The following CHLSN variants were observed in gnomAD, a reference collection of about 807,000 sequenced individuals.
CHLSN encodes the protein protein cholesin.
chr7:988,567 G>C, the CHLSN span: 1 of 1,598,174 alleles, frequency 6.3e-7, no homozygotes, highest in Non-Finnish European at 8.5e-7. Flanking sequence ...CCCCTGGGGA[G>C]GTCCCCACCC....
the CHLSN span, chr7:1,138,110 CGCGGGAGCCCGCCCCGGGGCTCT>C: frequency 6.6e-6 from 1 of 150,746 alleles, no homozygotes; most frequent in African/African-American, 2.4e-5. Flanking sequence ...GGCGGAGCCC[CGCGGGAGCCCGCCCCGGGGCTCT>C]GGGTCTCCTG....
At chr7:1,069,285 T>A in the CHLSN span, among the ~76,000 whole-genome samples, 1 of 151,766 alleles carries the variant, frequency 6.6e-6, no homozygotes, top group Non-Finnish European at 1.5e-5. Context: ...GAGCCAAGAT[T>A]GCGCCACTGC....
At chr7:997,709 C>G in the CHLSN span, 1 of 1,611,404 alleles carries the variant, frequency 6.2e-7, no homozygotes, top group East Asian at 2.2e-5. Flanking sequence ...CCAGCTCCCG[C>G]ATCAGGGCTT....
chr7:1,135,691 C>T, the CHLSN span, among the ~76,000 whole-genome samples: 4 of 149,976 alleles, frequency 2.7e-5, no homozygotes, highest in Non-Finnish European at 5.9e-5. Flanking sequence ...CGTTTGAATA[C>T]GAGGTGGAGG....
At chr7:1,018,204 T>C in the CHLSN span, among the ~76,000 whole-genome samples, 1 of 152,190 alleles carries the variant, frequency 6.6e-6, no homozygotes, top group Non-Finnish European at 1.5e-5. Context: ...ACACTAGGGC[T>C]TGGCGGGTGG....
the CHLSN span, among the ~76,000 whole-genome samples, chr7:1,107,089 G>T: frequency 6.6e-6 from 1 of 152,218 alleles, no homozygotes; most frequent in African/African-American, 2.4e-5. Context: ...AAGGAAGGAA[G>T]CTCAAATGCT....
chr7:1,108,199 G>A, the CHLSN span, among the ~76,000 whole-genome samples: 207 of 28,066 alleles, frequency 7.4e-3, 2 homozygotes, highest in South Asian at 9.3e-3. Flanking sequence ...GAAGCAGAGG[G>A]GGGCTGTGTC....
chr7:1,070,264 G>A, the CHLSN span, among the ~76,000 whole-genome samples: 2 of 144,706 alleles, frequency 1.4e-5, no homozygotes, highest in African/African-American at 5.1e-5. Context: ...GGTGGGGGGG[G>A]TCAGCCCCCC....
the CHLSN span, among the ~76,000 whole-genome samples, chr7:995,787 G>A: frequency 1.3e-5 from 2 of 152,250 alleles, no homozygotes; most frequent in African/African-American, 2.4e-5. Context: ...CTCCTCGCCT[G>A]CCGCCGGCAA....
At chr7:1,124,696 TA>T in the CHLSN span, among the ~76,000 whole-genome samples, 1 of 138,918 alleles carries the variant, frequency 7.2e-6, no homozygotes, top group Admixed American at 7.2e-5. Flanking sequence ...ACATGTACCC[TA>T]AAACTTAAAG....
At chr7:986,484 C>G in the CHLSN span, 2 of 948,026 alleles carry the variant, frequency 2.1e-6, no homozygotes, top group Non-Finnish European at 3.2e-6. Flanking sequence ...GGCTAAGGGT[C>G]CCCCCGTTCT....
At chr7:985,435 C>T in the CHLSN span, 4 of 1,236,358 alleles carry the variant, frequency 3.2e-6, no homozygotes, top group Non-Finnish European at 4.4e-6. Context: ...GCCCTCCCAC[C>T]TTGCAAAAGG....
the CHLSN span, chr7:1,057,772 GCCC>G: frequency 9.5e-5 from 74 of 775,596 alleles, no homozygotes; most frequent in Non-Finnish European, 1.1e-4. Flanking sequence ...CACCTGCTCG[GCCC>G]CCCGAGCTCC....
the CHLSN span, among the ~76,000 whole-genome samples, chr7:1,006,032 C>T: frequency 1.3e-5 from 2 of 152,240 alleles, no homozygotes; most frequent in Non-Finnish European, 2.9e-5. Flanking sequence ...TCTTCAATTT[C>T]CTGCGTTAAG....
At chr7:984,928 C>A in the CHLSN span, 17 of 1,573,684 alleles carry the variant, frequency 1.1e-5, no homozygotes, top group Admixed American at 1.9e-4. Flanking sequence ...CTGGGCTCAC[C>A]ACGCACTGTA....
At chr7:1,023,462 G>A in the CHLSN span, among the ~76,000 whole-genome samples, 5 of 151,992 alleles carry the variant, frequency 3.3e-5, no homozygotes, top group East Asian at 5.8e-4. The surrounding 1 kb of genome is among the most constrained non-coding windows in gnomAD (Gnocchi z 5.0). Flanking sequence ...CAGCACACCC[G>A]AGGCCTCCTG....
chr7:1,072,098 T>C, the CHLSN span, among the ~76,000 whole-genome samples: 3 of 152,166 alleles, frequency 2.0e-5, no homozygotes, highest in South Asian at 2.1e-4. Context: ...CACCTTAGAC[T>C]CTGGCCTAAG....
At chr7:1,121,416 C>A in the CHLSN span, among the ~76,000 whole-genome samples, 36 of 152,352 alleles carry the variant, frequency 2.4e-4, no homozygotes, top group African/African-American at 8.4e-4. Context: ...AGTAATGCTT[C>A]TTGGGGCAAA....
the CHLSN span, among the ~76,000 whole-genome samples, chr7:1,016,236 GCAGCACACAGCAGCGCACGC>G: frequency 4.8e-4 from 30 of 62,078 alleles, 3 homozygotes; most frequent in East Asian, 1.5e-3. Flanking sequence ...CCAGCACACA[GCAGCACACAGCAGCGCACGC>G]CAGCACACAG....
Sources: gnomAD v4.1 joint callset for allele counts (sites outside exome capture counted in the v4.1 genomes callset) on GRCh38, gnomAD v4.1.1 for gene constraint, Gnocchi (gnomAD v3.1) non-coding constraint, MANE v1.5 for transcripts, NCBI Gene and HGNC (gene_info 2026-07-23, HGNC 2026-07-21) for gene names.